The following SLIT3 variants were observed in gnomAD, a reference collection of about 807,000 sequenced individuals.
SLIT3 encodes the protein slit homolog 3 protein.
In SLIT3, 68 loss-of-function variants were observed where a neutral mutation model predicts 184.0. The observed-to-expected ratio is 0.37, with a 90% CI of 0.30 to 0.45. The LOEUF is 0.45. Among genes scored for constraint, SLIT3 ranks in the 20% least tolerant of loss-of-function variants. SLIT3 has a pLI of 1.00. For missense variants in SLIT3, 1,707 were observed against 2,026.0 expected (o/e 0.84, Z 3.02); for synonymous variants, 831 against 828.6 (o/e 1.00, Z -0.05).
At chr5:168,925,078 A>G (rs1562009207) in intron 4 of SLIT3, among the ~76,000 whole-genome samples, 1 of 152,224 alleles carries the variant, frequency 6.6e-6, no homozygotes, top group Non-Finnish European at 1.5e-5. Context: ...TTAACCTCCT[A>G]AATTCTGTAA....
At chr5:168,684,984 C>G (rs1761701511) in intron 31 of SLIT3, among the ~76,000 whole-genome samples, 1 of 150,154 alleles carries the variant, frequency 6.7e-6, no homozygotes, top group African/African-American at 2.5e-5. Context: ...AGAGTCCTGC[C>G]CTGTTGCCCA....
chr5:168,665,996 C>T lies in SLIT3; in HGVS notation c.*458G>A, dbSNP rs1396166951. ...CTCTCTCTTCCTCTTATTCCTTTTT[C>T]TGATCTCAATGAGCAGCTCTTGGTC... On this transcript the variant is annotated 3_prime_UTR_variant, in exon 36 of 36. Transcript: ENST00000519560. 2 of 152,494 alleles carry T rather than the reference C, an allele frequency of 1.3e-5. No homozygotes were observed. The highest frequency in any genetic ancestry group is 2.9e-5 in the Non-Finnish European group (2 of 68,246). 9.4% of individuals were successfully genotyped at this position (152,494 alleles called of 1,614,324 possible).
intron 8 of SLIT3, among the ~76,000 whole-genome samples, chr5:168,810,602 C>T (rs1326225396): frequency 6.6e-6 from 1 of 152,218 alleles, no homozygotes; most frequent in Non-Finnish European, 1.5e-5. Flanking sequence ...CGCGTCTCCC[C>T]TCTGGGGGGG....
In SLIT3 at chr5:168,802,286, TG is replaced by T. The variant is rs148546558; in HGVS notation, c.935+4159del. Among the ~76,000 whole-genome samples, 385 of 116,290 alleles carry T rather than the reference TG, an allele frequency of 3.3e-3. 2 individuals are homozygous for T. The highest frequency in any genetic ancestry group is 9.5e-3 in the Middle Eastern group (2 of 210). 76.3% of individuals were successfully genotyped at this position (116,290 alleles called of 152,430 possible). A position where few individuals can be genotyped will look rare whatever the true frequency, so the allele number is the denominator to read the frequency against. Reference sequence around the variant, plus strand: ...CCCACCCATCTGCTGACCTCTCACATGGTAGAAGACTTTTAGGCCATCACAC... The same window carrying T: ...CCCACCCATCTGCTGACCTCTCACATGTAGAAGACTTTTAGGCCATCACAC... On this transcript the variant is annotated intron_variant, in intron 9 of 35. Transcript: ENST00000519560.
chr5:168,905,467 G>A (rs1329031295), intron 4 of SLIT3, among the ~76,000 whole-genome samples: 1 of 152,138 alleles, frequency 6.6e-6, no homozygotes, highest in African/African-American at 2.4e-5. Flanking sequence ...AGTGAAGTAC[G>A]ATCATGTATC....
At chr5:169,193,092 C>T (rs929942224) in intron 4 of SLIT3, among the ~76,000 whole-genome samples, 11 of 152,174 alleles carry the variant, frequency 7.2e-5, no homozygotes, top group East Asian at 1.9e-4. Flanking sequence ...TTGCCATGTT[C>T]GGTCCAAACC....
intron 4 of SLIT3, among the ~76,000 whole-genome samples, chr5:168,968,779 T>G (rs968092674): frequency 2.0e-5 from 3 of 152,134 alleles, no homozygotes; most frequent in Non-Finnish European, 4.4e-5. Context: ...TACATGAAAC[T>G]CAGGAAAATT....
At chr5:168,806,732 G>T in intron 8 of SLIT3, 145 bp from the exon 9 acceptor site, 1 of 883,296 alleles carries the variant, frequency 1.1e-6, no homozygotes, top group Non-Finnish European at 1.7e-6. Flanking sequence ...CCTTCACCTG[G>T]GAGACACAGG....
intron 1 of SLIT3, among the ~76,000 whole-genome samples, chr5:169,276,089 AC>A (rs1040575039): frequency 3.3e-5 from 5 of 152,134 alleles, no homozygotes; most frequent in African/African-American, 1.2e-4. Flanking sequence ...CTAAGCCTAA[AC>A]AAAGAAAGAG....
intron 4 of SLIT3, among the ~76,000 whole-genome samples, chr5:168,948,348 G>A (rs1762552664): frequency 6.6e-6 from 1 of 152,138 alleles, no homozygotes; most frequent in Admixed American, 6.5e-5. Context: ...ACTCAGCGAA[G>A]GAAGAGGCTC....
intron 3 of SLIT3, among the ~76,000 whole-genome samples, chr5:169,240,030 C>T (rs1052811979): frequency 3.9e-5 from 6 of 152,002 alleles, no homozygotes; most frequent in Non-Finnish European, 7.4e-5. Context: ...TTCTTCAACT[C>T]GGAGTATTTA....
intron 4 of SLIT3, among the ~76,000 whole-genome samples, chr5:169,118,387 C>A (rs1239110054): frequency 1.3e-5 from 2 of 152,126 alleles, no homozygotes; most frequent in African/African-American, 4.8e-5. Context: ...AACTGGTCTC[C>A]CTAGTGACAC....
intron 4 of SLIT3, among the ~76,000 whole-genome samples, chr5:168,921,509 TAG>T (rs1761633743): frequency 6.6e-6 from 1 of 152,234 alleles, no homozygotes; most frequent in African/African-American, 2.4e-5. Context: ...TTTGCTGATA[TAG>T]AGGAAGGAAG....
chr5:169,120,226 G>A (rs1760828670), intron 4 of SLIT3: 1 of 152,162 alleles, frequency 6.6e-6, no homozygotes, highest in Admixed American at 6.5e-5. Context: ...AAGTCTCAAA[G>A]GCAACAGGGA....
chr5:168,744,667 T>C (rs1157536454), intron 20 of SLIT3, among the ~76,000 whole-genome samples: 3 of 152,244 alleles, frequency 2.0e-5, no homozygotes, highest in African/African-American at 4.8e-5. Flanking sequence ...TGTAGAAATA[T>C]AGCAACAAAG....
At chr5:168,749,694 T>A in intron 18 of SLIT3, 59 bp from the exon 19 acceptor site, 1 of 1,582,200 alleles carries the variant, frequency 6.3e-7, no homozygotes, top group Admixed American at 1.7e-5. Flanking sequence ...GGCCCTGGGA[T>A]CTGCTGCCCA....
chr5:168,947,638 G>A (rs780531676), intron 4 of SLIT3, among the ~76,000 whole-genome samples: 1 of 152,184 alleles, frequency 6.6e-6, no homozygotes, highest in Non-Finnish European at 1.5e-5. Flanking sequence ...TGGGGGCCTG[G>A]TTCTTCATAC....
intron 5 of SLIT3, among the ~76,000 whole-genome samples, chr5:168,866,169 T>G (rs1759293523): frequency 1.3e-5 from 2 of 152,302 alleles, no homozygotes; most frequent in South Asian, 4.1e-4. Context: ...GTTTCCAAAG[T>G]GCAGGCGGAG....
chr5:169,141,421 TTTG>T (rs375881556), intron 4 of SLIT3, among the ~76,000 whole-genome samples: 2,028 of 102,956 alleles, frequency 0.02, 38 homozygotes, highest in African/African-American at 0.062. Context: ...TGTTGTTTGT[TTTG>T]TTTTTTTTTT....
Sources: gnomAD v4.1 joint callset for allele counts (sites outside exome capture counted in the v4.1 genomes callset) on GRCh38, gnomAD v4.1.1 for gene constraint, MANE v1.5 for transcripts, NCBI Gene and HGNC (gene_info 2026-07-23, HGNC 2026-07-21) for gene names.